ZBTB40: variants seen among roughly 807,000 people sequenced by gnomAD.
ZBTB40 encodes the protein zinc finger and BTB domain containing 40, also known as zinc finger and BTB domain-containing protein 40.
Under a neutral mutation model 117.5 loss-of-function variants are expected in ZBTB40, and 60 were observed. The observed-to-expected ratio is 0.51, with a 90% CI of 0.41 to 0.63. The LOEUF is 0.63. Ranked by LOEUF, ZBTB40 falls within the 30% of genes least tolerant of loss-of-function variation. The pLI is 0.00. For synonymous variants in ZBTB40, 525 were observed against 577.1 expected, an observed-to-expected ratio of 0.91 and a Z score of 1.29; for missense variants, 1,287 against 1,498.5, an observed-to-expected ratio of 0.86 and a Z score of 2.33.
chr1:22,466,145 A>C (rs560679248), intron 1 of ZBTB40, among the ~76,000 whole-genome samples: 8 of 152,260 alleles, frequency 5.3e-5, no homozygotes, highest in Admixed American at 3.9e-4. Context: ...GTGGCCTTTT[A>C]TGTCTGGCTA....
chr1:22,436,735 C>T (rs1640675438), intron 1 of ZBTB40, among the ~76,000 whole-genome samples: 1 of 151,920 alleles, frequency 6.6e-6, no homozygotes, highest in Non-Finnish European at 1.5e-5. Flanking sequence ...AAGCCAGGCA[C>T]AAAACACTAC....
chr1:22,504,977 T>C (rs1447984031), intron 5 of ZBTB40, among the ~76,000 whole-genome samples: 2 of 152,240 alleles, frequency 1.3e-5, no homozygotes, highest in Non-Finnish European at 2.9e-5. Flanking sequence ...AATCTATATA[T>C]TAGACCTTAA....
In ZBTB40 at chr1:22,524,305, A is replaced by G. The variant is rs752857043; in HGVS notation, c.3386A>G (p.Lys1129Arg). 1.9e-6 allele frequency: 3 copies of G among 1,614,030 alleles called. No homozygotes were observed. Among genetic ancestry groups the G allele is most frequent in the African/African-American group, 1.3e-5 (1 of 74,906 alleles). Reference protein sequence around the residue: ...LQHHVTTEHFKQSETTFPCEL... With the variant: ...LQHHVTTEHFRQSETTFPCEL... Reference sequence around the variant, plus strand: ...CACCATGTCACCACGGAGCACTTCAAGCAGTCAGAGACCACCTTCCCCTGT... The same window carrying G: ...CACCATGTCACCACGGAGCACTTCAGGCAGTCAGAGACCACCTTCCCCTGT... Residue 1129 changes from lysine to arginine, a missense_variant, in exon 17 of 18, where the codon AAG (lysine) becomes AGG (arginine). Physicochemically the swap from Lys to Arg is conservative, Grantham distance 26. Transcript: ENST00000375647.
intron 12 of ZBTB40, among the ~76,000 whole-genome samples, chr1:22,514,026 G>A (rs1639312497): frequency 6.6e-6 from 1 of 152,226 alleles, no homozygotes; most frequent in Non-Finnish European, 1.5e-5. Flanking sequence ...TGTGCCCATA[G>A]CTTGTGGCCT....
intron 4 of ZBTB40, 134 bp downstream of exon 4, chr1:22,501,818 C>T (rs1488748937): frequency 2.0e-6 from 2 of 1,017,870 alleles, no homozygotes; most frequent in African/African-American, 1.6e-5. Flanking sequence ...ATGTAAATTC[C>T]AGAAGCTGCA....
chr1:22,520,492 G>A (rs1255835953), intron 14 of ZBTB40, among the ~76,000 whole-genome samples: 1 of 152,226 alleles, frequency 6.6e-6, no homozygotes, highest in Non-Finnish European at 1.5e-5. Context: ...GGAGCAGAGA[G>A]TTCATACGCT....
At chr1:22,475,681 T>A (rs1641536179) in intron 1 of ZBTB40, among the ~76,000 whole-genome samples, 1 of 152,224 alleles carries the variant, frequency 6.6e-6, no homozygotes, top group South Asian at 2.1e-4. Flanking sequence ...TTGACTCTTG[T>A]GGATTGAGTT....
intron 16 of ZBTB40, among the ~76,000 whole-genome samples, 170 bp from the exon 17 acceptor site, chr1:22,524,048 T>G (rs1218073855): frequency 2.0e-5 from 3 of 152,202 alleles, no homozygotes; most frequent in Non-Finnish European, 2.9e-5. Flanking sequence ...TGTATTATTT[T>G]TCTTAAGGCC....
chr1:22,516,127 C>T (rs1353806130), intron 12 of ZBTB40, among the ~76,000 whole-genome samples: 2 of 152,026 alleles, frequency 1.3e-5, no homozygotes, highest in East Asian at 1.9e-4. Context: ...TTGCCATGAG[C>T]AACTGAGTGA....
intron 1 of ZBTB40, among the ~76,000 whole-genome samples, chr1:22,475,713 A>G (rs1425380183): frequency 1.3e-5 from 2 of 151,958 alleles, no homozygotes; most frequent in African/African-American, 2.4e-5. Context: ...TCTCTTTTCA[A>G]TCATTCCAGT....
At chr1:22,445,156 C>G (rs180818089) in intron 1 of ZBTB40, among the ~76,000 whole-genome samples, 78 of 152,322 alleles carry the variant, frequency 5.1e-4, no homozygotes, top group African/African-American at 1.6e-3. Context: ...CTGCCCTGCT[C>G]ATGTCTGACA....
chr1:22,466,009 A>G (rs545227193), intron 1 of ZBTB40, among the ~76,000 whole-genome samples: 1 of 152,170 alleles, frequency 6.6e-6, no homozygotes, highest in Admixed American at 6.5e-5. Flanking sequence ...CCCCCCCTGT[A>G]CCTGTTAGTA....
chr1:22,461,528 G>T (rs941009202), intron 1 of ZBTB40, among the ~76,000 whole-genome samples: 1 of 152,102 alleles, frequency 6.6e-6, no homozygotes, highest in South Asian at 2.1e-4. Context: ...GTGATGGAGG[G>T]AAATAGAGAG....
At chr1:22,468,281 C>T (rs1000113247) in intron 1 of ZBTB40, among the ~76,000 whole-genome samples, 23 of 152,088 alleles carry the variant, frequency 1.5e-4, no homozygotes, top group African/African-American at 1.9e-4. Flanking sequence ...CTGCCAAATC[C>T]GAGTCCACGG....
chr1:22,445,089 A>G (rs1640772634), intron 1 of ZBTB40, among the ~76,000 whole-genome samples: 1 of 152,124 alleles, frequency 6.6e-6, no homozygotes, highest in Non-Finnish European at 1.5e-5. Flanking sequence ...TGTGACTTGA[A>G]TACATTTCCT....
chr1:22,461,528 G>A (rs941009202), intron 1 of ZBTB40, among the ~76,000 whole-genome samples: 1 of 152,104 alleles, frequency 6.6e-6, no homozygotes, highest in African/African-American at 2.4e-5. Context: ...GTGATGGAGG[G>A]AAATAGAGAG....
At chr1:22,463,093 A>C (rs552810704) in intron 1 of ZBTB40, among the ~76,000 whole-genome samples, 1 of 152,302 alleles carries the variant, frequency 6.6e-6, no homozygotes, top group South Asian at 2.1e-4. Flanking sequence ...TCATGAAATA[A>C]GCACTAATAT....
upstream of ZBTB40, among the ~76,000 whole-genome samples, chr1:22,451,057 G>A (rs1640858059): frequency 6.6e-6 from 1 of 152,198 alleles, no homozygotes; most frequent in Non-Finnish European, 1.5e-5. Context: ...GGAACGCATA[G>A]TGTGTGAGAA....
intron 3 of ZBTB40, among the ~76,000 whole-genome samples, chr1:22,498,474 T>C (rs527295156): frequency 6.6e-6 from 1 of 152,248 alleles, no homozygotes; most frequent in South Asian, 2.1e-4. Context: ...CCCAGTAGGT[T>C]CTGAAAGAAA....
Sources: gnomAD v4.1 joint callset for allele counts (sites outside exome capture counted in the v4.1 genomes callset) on GRCh38, gnomAD v4.1.1 for gene constraint, MANE v1.5 for transcripts, NCBI Gene and HGNC (gene_info 2026-07-23, HGNC 2026-07-21) for gene names.